The following DYNC1I2 variants were observed in gnomAD, a reference collection of about 807,000 sequenced individuals.
DYNC1I2 encodes the protein dynein cytoplasmic 1 intermediate chain 2.
DYNC1I2 carries 53 observed loss-of-function variants against 88.6 expected under a neutral mutation model. The ratio of observed to expected loss-of-function variants is 0.60; its 90% CI spans 0.48 to 0.75. DYNC1I2 has a LOEUF of 0.75. DYNC1I2 is among the 30% of genes least tolerant of loss of function. The pLI is 0.00. For synonymous variants in DYNC1I2, 198 were observed against 254.6 expected, an observed-to-expected ratio of 0.78 and a Z score of 2.12; for missense variants, 458 against 766.6, an observed-to-expected ratio of 0.60 and a Z score of 4.75.
chr2:171,709,070 A>T (rs911718472), intron 5 of DYNC1I2, among the ~76,000 whole-genome samples: 2 of 152,018 alleles, frequency 1.3e-5, no homozygotes, highest in Non-Finnish European at 2.9e-5. Flanking sequence ...CAACATTACC[A>T]TAGTAAAAAT....
At chr2:171,713,077 G>C (rs312918) in intron 6 of DYNC1I2, among the ~76,000 whole-genome samples, 46,427 of 151,830 alleles carry the variant, frequency 0.31, 7,633 homozygotes, top group African/African-American at 0.43. Flanking sequence ...TACAAGTTTT[G>C]TAGGATGTAT....
intron 7 of DYNC1I2, among the ~76,000 whole-genome samples, chr2:171,716,598 G>A (rs894790185): frequency 6.6e-6 from 1 of 152,118 alleles, no homozygotes; most frequent in Non-Finnish European, 1.5e-5. Flanking sequence ...TTTCATATTT[G>A]CCTAAACCTA....
chr2:171,690,827 G>A (rs1456016449), intron 2 of DYNC1I2, among the ~76,000 whole-genome samples: 4 of 151,642 alleles, frequency 2.6e-5, no homozygotes, highest in African/African-American at 4.8e-5. Context: ...GCTAATTTTT[G>A]TATTTTTTTG....
intron 3 of DYNC1I2, among the ~76,000 whole-genome samples, chr2:171,705,448 TTTTC>T (rs1467639405): frequency 6.6e-6 from 1 of 152,084 alleles, no homozygotes; most frequent in African/African-American, 2.4e-5. Flanking sequence ...GAAAAATTGT[TTTTC>T]TGAGTATGAA....
chr2:171,715,282 G>A (rs1306249612), intron 6 of DYNC1I2, 46 bp from the exon 7 acceptor site: 1 of 1,183,364 alleles, frequency 8.5e-7, no homozygotes, highest in African/African-American at 1.5e-5. Context: ...AAAATAACAT[G>A]GTTTGATGTA....
In DYNC1I2 at chr2:171,688,505, G is replaced by GCAT. The variant is rs1449267110; in HGVS notation, c.-10+879_-10+881dup. On this transcript the variant is annotated intron_variant, in intron 1 of 17. Coordinates refer to ENST00000397119, the MANE Select transcript of DYNC1I2 (RefSeq NM_001378.3). Reference sequence around the variant, plus strand: ...AACAAAATATAATGTGCCTAGCGTAGCATACAGTTACGTATGGAAGTTCTC... The same window carrying GCAT: ...AACAAAATATAATGTGCCTAGCGTAGCATCATACAGTTACGTATGGAAGTTCTC... 7 of 152,314 alleles carry GCAT rather than the reference G, an allele frequency of 4.6e-5. No homozygotes were observed. The East Asian group carries it at 1.2e-3, about 25-fold the overall frequency. The allele number at this position is 152,314 out of a possible 1,614,324, so 9.4% of individuals were successfully genotyped here.
In DYNC1I2 at chr2:171,711,368, G is replaced by A. The variant is rs770841646; in HGVS notation, c.336-1399G>A. 1.3e-4 allele frequency among the ~76,000 whole-genome samples: 20 copies of A among 152,110 alleles called. 1 individual carries two copies. Among genetic ancestry groups the A allele is most frequent in the Non-Finnish European group, 2.6e-4 (18 of 68,026 alleles). On this transcript the variant is annotated intron_variant, in intron 5 of 17. Coordinates refer to ENST00000397119, the MANE Select transcript of DYNC1I2 (RefSeq NM_001378.3). Reference sequence around the variant, plus strand: ...ACTTGGAATTGTACTCTATGTGCCTGAAGATGCCCCTAATAAATGTAATAA... The same window carrying A: ...ACTTGGAATTGTACTCTATGTGCCTAAAGATGCCCCTAATAAATGTAATAA...
intron 12 of DYNC1I2, 76 bp from the exon 13 acceptor site, chr2:171,728,229 T>A (rs1449111872): frequency 1.0e-5 from 9 of 866,006 alleles, no homozygotes; most frequent in Non-Finnish European, 1.5e-5. Flanking sequence ...ATAAACAGAA[T>A]GCTTATAATT....
intron 15 of DYNC1I2, among the ~76,000 whole-genome samples, chr2:171,739,949 G>A (rs1002182136): frequency 4.6e-5 from 7 of 151,854 alleles, no homozygotes; most frequent in African/African-American, 9.7e-5. Flanking sequence ...CAAGTGATCC[G>A]CCTGCCTCAG....
intron 1 of DYNC1I2, 84 bp from the exon 2 acceptor site, chr2:171,690,063 G>C: frequency 1.3e-6 from 1 of 788,940 alleles, no homozygotes; most frequent in Non-Finnish European, 2.0e-6. Flanking sequence ...GAACTATATG[G>C]CCTTTCGGGA....
At chr2:171,710,096 T>C (rs1038016177) in intron 5 of DYNC1I2, among the ~76,000 whole-genome samples, 1 of 149,560 alleles carries the variant, frequency 6.7e-6, no homozygotes, top group Non-Finnish European at 1.5e-5. Context: ...TCAAGAGGGC[T>C]GAGTATATTC....
At chr2:171,741,245 A>G (rs989510462) in intron 15 of DYNC1I2, among the ~76,000 whole-genome samples, 2 of 152,162 alleles carry the variant, frequency 1.3e-5, no homozygotes, top group African/African-American at 4.8e-5. Context: ...TTTGGCTATT[A>G]TGAATCATGC....
At chr2:171,735,767 T>C (rs1205393708) in intron 15 of DYNC1I2, among the ~76,000 whole-genome samples, 2 of 152,210 alleles carry the variant, frequency 1.3e-5, no homozygotes, top group Non-Finnish European at 2.9e-5. Flanking sequence ...CTAGAAGAGT[T>C]TGATTATGGG....
At position 171,698,993 on chromosome 2, in the gene DYNC1I2, C is replaced by T. The variant is rs1686001429; in HGVS notation, c.226+6099C>T. Reference sequence around the variant, plus strand: ...GGATTACTGGTGTGAGCCACCACTCCTGGCCTGCATGTATTTTAAAAATAG... The same window carrying T: ...GGATTACTGGTGTGAGCCACCACTCTTGGCCTGCATGTATTTTAAAAATAG... On this transcript the variant is annotated intron_variant, in intron 3 of 17. Transcript: ENST00000397119. Among the ~76,000 whole-genome samples the T allele has an allele frequency of 2.0e-5, 3 of 151,996 alleles. No homozygotes were observed. In the South Asian group the frequency reaches 6.2e-4, roughly 32 times the overall value.
intron 3 of DYNC1I2, among the ~76,000 whole-genome samples, chr2:171,702,594 A>G (rs1362010767): frequency 1.3e-5 from 2 of 152,152 alleles, no homozygotes; most frequent in Non-Finnish European, 1.5e-5. Flanking sequence ...ATAGAAGTAT[A>G]AAAACACTGG....
intron 7 of DYNC1I2, among the ~76,000 whole-genome samples, chr2:171,716,159 T>C (rs1177378917): frequency 1.3e-5 from 2 of 152,168 alleles, no homozygotes; most frequent in African/African-American, 4.8e-5. Flanking sequence ...CACAGTGTCT[T>C]TTCTGAAGCT....
chr2:171,728,590 C>A, intron 13 of DYNC1I2, 127 bp from the exon 14 acceptor site: 5 of 958,260 alleles, frequency 5.2e-6, no homozygotes, highest in Non-Finnish European at 6.0e-6. Context: ...ACTTTGAAAC[C>A]TGCTTCATTT....
At chr2:171,696,554 TATTA>T (rs769094346) in intron 3 of DYNC1I2, among the ~76,000 whole-genome samples, 1 of 152,204 alleles carries the variant, frequency 6.6e-6, no homozygotes, top group Non-Finnish European at 1.5e-5. Context: ...ATGTTTTTCC[TATTA>T]ATTTTATAGT....
At chr2:171,707,504 C>T (rs1296875898) in intron 5 of DYNC1I2, 127 bp downstream of exon 5, 2 of 744,954 alleles carry the variant, frequency 2.7e-6, no homozygotes, top group African/African-American at 1.8e-5. Context: ...TCTAAAATGG[C>T]ATAGAAATTC....
Sources: allele counts gnomAD v4.1 joint callset (sites outside exome capture counted in the v4.1 genomes callset), GRCh38; gene constraint gnomAD v4.1.1; transcripts MANE v1.5; gene names NCBI Gene and HGNC (gene_info 2026-07-23, HGNC 2026-07-21).